The following NMNAT1 variants were observed in gnomAD, a reference collection of about 807,000 sequenced individuals.
The protein encoded by NMNAT1 is nicotinamide/nicotinic acid mononucleotide adenylyltransferase 1.
NMNAT1 carries 11 observed loss-of-function variants against 16.7 expected under a neutral mutation model. The ratio of observed to expected loss-of-function variants is 0.66; its 90% CI spans 0.41 to 1.09. The LOEUF (loss-of-function observed/expected upper bound fraction) is 1.09. NMNAT1 is among the 50% of genes least tolerant of loss of function. The probability of loss-of-function intolerance (pLI) is 0.00; values close to 1 mark genes in which losing one functional copy is unlikely to be tolerated. For synonymous variants in NMNAT1, 110 were observed against 119.8 expected, an observed-to-expected ratio of 0.92 and a Z score of 0.53; for missense variants, 280 against 332.3, an observed-to-expected ratio of 0.84 and a Z score of 1.22.
At chr1:9,993,486 AG>A in the NMNAT1 span, among the ~76,000 whole-genome samples, 1 of 151,996 alleles carries the variant, frequency 6.6e-6, no homozygotes, top group Admixed American at 6.6e-5. Flanking sequence ...AAAAAAAAAA[AG>A]AAAAGAAAAA....
chr1:9,945,839 A>T (rs988039267), intron 1 of NMNAT1, among the ~76,000 whole-genome samples: 2 of 152,206 alleles, frequency 1.3e-5, no homozygotes, highest in Middle Eastern at 3.4e-3. Context: ...CTGCAGCCTT[A>T]ATCTCTCAGG....
chr1:9,961,544 G>A (rs1186612979), intron 1 of NMNAT1, among the ~76,000 whole-genome samples: 3 of 152,098 alleles, frequency 2.0e-5, no homozygotes, highest in African/African-American at 7.2e-5. Flanking sequence ...TATGGGTATC[G>A]AGGGCCTGGG....
intron 1 of NMNAT1, among the ~76,000 whole-genome samples, chr1:9,971,715 C>A (rs1570703884): frequency 6.6e-6 from 1 of 152,230 alleles, no homozygotes; most frequent in East Asian, 1.9e-4. Context: ...GTAATCCCAG[C>A]ACTTTGAGAG....
chr1:9,971,521 C>G (rs920238115), intron 1 of NMNAT1, among the ~76,000 whole-genome samples: 1 of 151,928 alleles, frequency 6.6e-6, no homozygotes, highest in Non-Finnish European at 1.5e-5. Flanking sequence ...ACCATGTTGG[C>G]CAGGATGGTC....
At chr1:9,969,514 G>A (rs973617700) in intron 1 of NMNAT1, among the ~76,000 whole-genome samples, 10 of 152,146 alleles carry the variant, frequency 6.6e-5, no homozygotes, top group Non-Finnish European at 1.5e-4. Flanking sequence ...GTTCATGGGC[G>A]GCTGAGGTGG....
chr1:9,950,316 C>T (rs1209699159), intron 1 of NMNAT1, among the ~76,000 whole-genome samples: 2 of 152,192 alleles, frequency 1.3e-5, no homozygotes, highest in Non-Finnish European at 2.9e-5. Context: ...ATCTCGAACT[C>T]CTGACCTCAA....
At chr1:9,968,013 T>C (rs1641590893) in intron 1 of NMNAT1, among the ~76,000 whole-genome samples, 1 of 151,258 alleles carries the variant, frequency 6.6e-6, no homozygotes, top group Non-Finnish European at 1.5e-5. Flanking sequence ...AGTAACATAA[T>C]TTGCAACATT....
In NMNAT1 at chr1:9,972,335, C is replaced by G. The variant is rs867634950; in HGVS notation, c.115+147C>G. The G allele has an allele frequency of 3.5e-6, 2 of 577,330 alleles. 1 individual carries two copies. The highest frequency in any genetic ancestry group is 7.1e-4 in the Middle Eastern group (2 of 2,806). The allele number at this position is 577,330 out of a possible 1,614,324, so 35.8% of individuals were successfully genotyped here. On this transcript the variant is annotated intron_variant, in intron 2 of 4. Transcript: ENST00000377205. ...ACCATCCTAGCCAACATGGTAAAAC[C>G]CTGTCTCTACTAAAAAATACGAAAA...
intron 1 of NMNAT1, among the ~76,000 whole-genome samples, chr1:9,962,452 A>G (rs1279652305): frequency 6.7e-6 from 1 of 148,276 alleles, no homozygotes; most frequent in Non-Finnish European, 1.5e-5. Flanking sequence ...ACTGCACTCC[A>G]GCCTGGGCGA....
intron 1 of NMNAT1, among the ~76,000 whole-genome samples, chr1:9,965,923 G>A (rs1162215769): frequency 6.6e-6 from 1 of 152,012 alleles, no homozygotes; most frequent in Admixed American, 6.6e-5. Context: ...AGGAGGCAGA[G>A]GCTGCAGTGA....
At chr1:9,995,013 G>A in the NMNAT1 span, among the ~76,000 whole-genome samples, 1 of 152,068 alleles carries the variant, frequency 6.6e-6, no homozygotes, top group Non-Finnish European at 1.5e-5. Flanking sequence ...CTCCCAAAGT[G>A]CTGGGATTAC....
intron 4 of NMNAT1, 165 bp downstream of exon 4, chr1:9,981,335 T>C (rs1452954187): frequency 1.8e-6 from 2 of 1,110,766 alleles, no homozygotes; most frequent in Non-Finnish European, 2.4e-6. Context: ...CCTGGGTTCA[T>C]GCCATTCTCC....
chr1:9,951,844 CA>C (rs1235814074), intron 1 of NMNAT1, among the ~76,000 whole-genome samples: 3 of 152,120 alleles, frequency 2.0e-5, no homozygotes, highest in African/African-American at 7.2e-5. Flanking sequence ...CCTACAAAAA[CA>C]AAAATCTCTT....
At chr1:9,943,549 G>T (rs987169913) in intron 1 of NMNAT1, 34 bp downstream of exon 1, 29 of 152,360 alleles carry the variant, frequency 1.9e-4, no homozygotes, top group African/African-American at 7.0e-4. Flanking sequence ...TGAGAAACTG[G>T]TCGCTTTTTG....
At chr1:9,996,309 C>CAAA in the NMNAT1 span, among the ~76,000 whole-genome samples, 14 of 101,888 alleles carry the variant, frequency 1.4e-4, no homozygotes, top group South Asian at 9.1e-4. Context: ...GACTCCGTCT[C>CAAA]AAAAAAAAAA....
intron 3 of NMNAT1, among the ~76,000 whole-genome samples, chr1:9,978,406 GTCC>G (rs1189888496): frequency 6.6e-6 from 1 of 152,190 alleles, no homozygotes; most frequent in African/African-American, 2.4e-5. Context: ...GATGGCCTCT[GTCC>G]TCCTTCTGCC....
intron 1 of NMNAT1, chr1:9,967,267 G>A (rs1388533108): frequency 6.5e-6 from 1 of 153,178 alleles, no homozygotes; most frequent in African/African-American, 2.4e-5. Context: ...TTATTGAGTT[G>A]AAAAGAATTT....
chr1:9,943,822 ATCCT>A (rs1640888452), intron 1 of NMNAT1, among the ~76,000 whole-genome samples: 1 of 152,122 alleles, frequency 6.6e-6, no homozygotes, highest in Admixed American at 6.5e-5. Flanking sequence ...AGAGGAGGAA[ATCCT>A]TCATTCCGAA....
At chr1:9,956,731 C>CT (rs1269404630) in intron 1 of NMNAT1, among the ~76,000 whole-genome samples, 5,241 of 119,358 alleles carry the variant, frequency 0.044, 181 homozygotes, top group African/African-American at 0.048. Context: ...CCTTGTTTAC[C>CT]TTTTTTTTTT....
Sources: gnomAD v4.1 joint callset for allele counts (sites outside exome capture counted in the v4.1 genomes callset) on GRCh38, gnomAD v4.1.1 for gene constraint, MANE v1.5 for transcripts, NCBI Gene and HGNC (gene_info 2026-07-23, HGNC 2026-07-21) for gene names.